The following SLC44A5 variants were observed in gnomAD, a reference collection of about 807,000 sequenced individuals.
SLC44A5 encodes choline transporter-like protein 5.
Under a neutral mutation model 101.8 loss-of-function variants are expected in SLC44A5, and 57 were observed. The observed-to-expected ratio is 0.56, with a 90% CI of 0.45 to 0.70. SLC44A5 has a LOEUF of 0.70. Ranked by LOEUF, SLC44A5 falls within the 30% of genes least tolerant of loss-of-function variation. The pLI, the probability that SLC44A5 is intolerant of heterozygous loss-of-function variation, is 0.00. For synonymous variants in SLC44A5, 281 were observed against 290.9 expected (o/e 0.97, Z 0.35); for missense variants, 737 against 853.1 (o/e 0.86, Z 1.70).
intron 2 of SLC44A5, among the ~76,000 whole-genome samples, chr1:75,445,113 C>T (rs899287418): frequency 6.6e-6 from 1 of 152,092 alleles, no homozygotes; most frequent in Non-Finnish European, 1.5e-5. Flanking sequence ...ATGTGATCCT[C>T]AATATTAGAG....
intron 1 of SLC44A5, among the ~76,000 whole-genome samples, chr1:75,567,261 C>T (rs903161084): frequency 2.0e-5 from 3 of 151,898 alleles, no homozygotes; most frequent in African/African-American, 7.3e-5. Context: ...TTCCTATGTA[C>T]AGCTCCCCCA....
At chr1:75,401,732 C>T (rs1469075534) in intron 2 of SLC44A5, among the ~76,000 whole-genome samples, 2 of 152,104 alleles carry the variant, frequency 1.3e-5, no homozygotes, top group Non-Finnish European at 2.9e-5. Context: ...AACATATATA[C>T]TGCAGCACGG....
chr1:75,233,290 A>G (rs767973285), intron 12 of SLC44A5, among the ~76,000 whole-genome samples: 11 of 152,156 alleles, frequency 7.2e-5, no homozygotes, highest in Non-Finnish European at 1.0e-4. Flanking sequence ...TAGTGTATCC[A>G]TCACCTGAAT....
At chr1:75,478,048 G>T (rs1409592112) in intron 2 of SLC44A5, among the ~76,000 whole-genome samples, 6 of 152,126 alleles carry the variant, frequency 3.9e-5, no homozygotes, top group Non-Finnish European at 8.8e-5. Context: ...ACTAACAGCG[G>T]ATCTCCCGGC....
At chr1:75,714,173 C>G in the SLC44A5 span, among the ~76,000 whole-genome samples, 3 of 152,142 alleles carry the variant, frequency 2.0e-5, no homozygotes, top group African/African-American at 7.2e-5. Context: ...CATCAAAAAG[C>G]TAATCCACCA....
chr1:75,537,034 A>AAAAAAAAAAAAAAAAAG (rs1553199990), intron 2 of SLC44A5, among the ~76,000 whole-genome samples: 7 of 18,660 alleles, frequency 3.8e-4, no homozygotes, highest in Middle Eastern at 0.042. Context: ...AAAAAAAAAA[A>AAAAAAAAAAAAAAAAAG]TATATATCTA....
At chr1:75,308,391 A>ATT (rs564898630) in intron 4 of SLC44A5, among the ~76,000 whole-genome samples, 51 of 145,772 alleles carry the variant, frequency 3.5e-4, no homozygotes, top group African/African-American at 1.2e-3. Flanking sequence ...TTGAAACCTG[A>ATT]TTTTTTTTTT....
intron 6 of SLC44A5, among the ~76,000 whole-genome samples, chr1:75,272,914 T>C (rs1455564454): frequency 1.3e-5 from 2 of 152,120 alleles, no homozygotes; most frequent in Non-Finnish European, 2.9e-5. Context: ...TTTTTTCTAG[T>C]TCTGTGAGGA....
the SLC44A5 span, among the ~76,000 whole-genome samples, chr1:75,659,994 A>G: frequency 2.0e-5 from 3 of 152,206 alleles, no homozygotes; most frequent in Non-Finnish European, 4.4e-5. Context: ...GCTTGAGGCT[A>G]GGAGTTAGAG....
At chr1:75,474,430 C>T (rs1667275415) in intron 2 of SLC44A5, among the ~76,000 whole-genome samples, 1 of 152,180 alleles carries the variant, frequency 6.6e-6, no homozygotes, top group Admixed American at 6.5e-5. Flanking sequence ...TCTTATAATA[C>T]TAATGCTTTC....
Position 75,220,693 on chromosome 1 carries a change from A to C in SLC44A5, c.1086-801T>G, listed in dbSNP as rs74509591. Reference sequence around the variant, plus strand: ...CATCACTTCTAATGACTTCTGTTACATGATCTTTTCAGCATATGACACTGG... The same window carrying C: ...CATCACTTCTAATGACTTCTGTTACCTGATCTTTTCAGCATATGACACTGG... On this transcript the variant is annotated intron_variant, in intron 14 of 23. Coordinates refer to ENST00000370859, the MANE Select transcript of SLC44A5 (RefSeq NM_001130058.2). Among the ~76,000 whole-genome samples, 1,223 of 152,246 alleles carry C rather than the reference A, an allele frequency of 8.0e-3. 15 individuals are homozygous for C. Among genetic ancestry groups the C allele is most frequent in the African/African-American group, 0.028 (1,157 of 41,550 alleles).
chr1:75,625,374 T>C, the SLC44A5 span, among the ~76,000 whole-genome samples: 7 of 152,114 alleles, frequency 4.6e-5, no homozygotes, highest in Admixed American at 6.5e-5. Flanking sequence ...GCCTTGCAAT[T>C]CAAAAACTGA....
At chr1:75,339,669 G>C in intron 3 of SLC44A5, 39 bp from the exon 4 acceptor site, 1 of 1,531,992 alleles carries the variant, frequency 6.5e-7, no homozygotes, top group Non-Finnish European at 8.9e-7. Flanking sequence ...ATATAAGCCA[G>C]CAAATAAATT....
At chr1:75,257,878 A>G (rs578249197) in intron 6 of SLC44A5, among the ~76,000 whole-genome samples, 2 of 152,090 alleles carry the variant, frequency 1.3e-5, no homozygotes, top group Admixed American at 1.3e-4. Flanking sequence ...CTAGTTGGAC[A>G]GTGGGTGTAG....
chr1:75,236,407 T>C (rs974955141), intron 11 of SLC44A5, among the ~76,000 whole-genome samples: 3 of 152,054 alleles, frequency 2.0e-5, no homozygotes, highest in Admixed American at 6.6e-5. Context: ...CTTAACTTTC[T>C]AGGAATGCAA....
chr1:75,641,996 T>C, the SLC44A5 span: 11 of 1,498,324 alleles, frequency 7.3e-6, no homozygotes, highest in Non-Finnish European at 9.3e-6. Flanking sequence ...CTCCTCATCA[T>C]CTTCATCTGC....
intron 7 of SLC44A5, among the ~76,000 whole-genome samples, chr1:75,246,587 A>T (rs1570460613): frequency 6.6e-6 from 1 of 152,204 alleles, no homozygotes; most frequent in Non-Finnish European, 1.5e-5. Flanking sequence ...TTGTCATAAG[A>T]TGGTAATAAA....
chr1:75,682,355 T>C, the SLC44A5 span, among the ~76,000 whole-genome samples: 4 of 151,946 alleles, frequency 2.6e-5, no homozygotes, highest in Non-Finnish European at 4.4e-5. Flanking sequence ...CTTCAAACTA[T>C]ACTACAAGGC....
intron 2 of SLC44A5, among the ~76,000 whole-genome samples, chr1:75,446,649 TACAC>T (rs10547175): frequency 0.17 from 25,970 of 149,526 alleles, 3,641 homozygotes; most frequent in East Asian, 0.79. Flanking sequence ...TGCCTGGCTA[TACAC>T]ACACACACAC....
Sources: allele counts gnomAD v4.1 joint callset (sites outside exome capture counted in the v4.1 genomes callset), GRCh38; gene constraint gnomAD v4.1.1; transcripts MANE v1.5; gene names NCBI Gene and HGNC (gene_info 2026-07-23, HGNC 2026-07-21).